The following MACROD2 variants were observed in gnomAD, a reference collection of about 807,000 sequenced individuals.
MACROD2 encodes mono-ADP ribosylhydrolase 2.
MACROD2 carries 36 observed loss-of-function variants against 70.4 expected under a neutral mutation model. The observed-to-expected ratio is 0.51, with a 90% CI of 0.39 to 0.68. MACROD2 has a LOEUF of 0.68. Ranked by LOEUF, MACROD2 falls within the 30% of genes least tolerant of loss-of-function variation. The pLI is 0.00. For synonymous variants in MACROD2, 172 were observed against 178.8 expected (o/e 0.96, Z 0.30); for missense variants, 496 against 538.4 (o/e 0.92, Z 0.78).
chr20:15,618,148 C>G (rs1487893789), intron 8 of MACROD2, among the ~76,000 whole-genome samples: 1 of 109,522 alleles, frequency 9.1e-6, no homozygotes, highest in Non-Finnish European at 1.7e-5. Context: ...CTGAAAAAGT[C>G]CTTTGGGCTC....
chr20:15,205,564 T>C (rs895801712), intron 5 of MACROD2, among the ~76,000 whole-genome samples: 1 of 152,036 alleles, frequency 6.6e-6, no homozygotes, highest in Non-Finnish European at 1.5e-5. Context: ...AATACTAAGT[T>C]TCTGTTACTT....
chr20:14,797,325 C>A (rs2072521587), intron 5 of MACROD2, among the ~76,000 whole-genome samples: 1 of 152,032 alleles, frequency 6.6e-6, no homozygotes, highest in Non-Finnish European at 1.5e-5. Flanking sequence ...CCGGCCATTG[C>A]CTTTGGGATC....
At chr20:15,076,325 T>A (rs1354375303) in intron 5 of MACROD2, among the ~76,000 whole-genome samples, 3 of 152,174 alleles carry the variant, frequency 2.0e-5, no homozygotes, top group Non-Finnish European at 4.4e-5. Context: ...TGCTTTGTTA[T>A]TAACACTGGT....
rs375862339 is a variant in MACROD2, at chr20:15,650,915, T to A, written c.645+151068T>A. ...GTCATCAGCACACCTGACAATGATC[T>A]TCTTATCCTTATGGAACTGGACATC... On this transcript the variant is annotated intron_variant, in intron 8 of 17. Transcript: ENST00000684519. 7.5e-4 allele frequency among the ~76,000 whole-genome samples: 114 copies of A among 152,322 alleles called. No homozygotes were observed. The South Asian group carries it at 0.014, about 19-fold the overall frequency.
chr20:14,250,569 G>A (rs1433612571), intron 3 of MACROD2, among the ~76,000 whole-genome samples: 2 of 152,126 alleles, frequency 1.3e-5, no homozygotes, highest in Non-Finnish European at 1.5e-5. Context: ...TTAGAAAATG[G>A]CAGTTTATCT....
intron 3 of MACROD2, among the ~76,000 whole-genome samples, chr20:14,362,309 A>G (rs752824208): frequency 3.3e-5 from 5 of 152,222 alleles, no homozygotes; most frequent in Non-Finnish European, 7.3e-5. Flanking sequence ...GAGGCACAGA[A>G]GTCAAGAAGC....
Position 14,918,608 on chromosome 20 carries a change from G to GTTT in MACROD2, c.418+233655_418+233657dup, listed in dbSNP as rs201816737. Among the ~76,000 whole-genome samples, 153 of 135,552 alleles carry GTTT rather than the reference G, an allele frequency of 1.1e-3. 5 individuals carry two copies. The highest frequency in any genetic ancestry group is 4.3e-3 in the East Asian group (19 of 4,396). 88.9% of individuals were successfully genotyped at this position (135,552 alleles called of 152,430 possible). ...ACATTAGCCCTTTTTGTGACACTGT[G>GTTT]TTTTTTTTGTTTTTTTTTTTTTTTC... On this transcript the variant is annotated intron_variant, in intron 5 of 17. Transcript: ENST00000684519.
intron 7 of MACROD2, among the ~76,000 whole-genome samples, chr20:15,436,768 G>T (rs79309980): frequency 0.043 from 6,587 of 152,046 alleles, 187 homozygotes; most frequent in Middle Eastern, 0.079. Context: ...AAAGAAAGTG[G>T]TCCATAGCTG....
At chr20:15,413,110 A>G (rs955252588) in intron 6 of MACROD2, among the ~76,000 whole-genome samples, 1 of 152,222 alleles carries the variant, frequency 6.6e-6, no homozygotes, top group South Asian at 2.1e-4. Context: ...CTGCTCTTTC[A>G]ATTCCTGGAT....
At chr20:15,189,242 T>G (rs2076553762) in intron 5 of MACROD2, among the ~76,000 whole-genome samples, 1 of 150,180 alleles carries the variant, frequency 6.7e-6, no homozygotes, top group Non-Finnish European at 1.5e-5. Context: ...AAACCAGGAC[T>G]TATTTTTTTT....
chr20:14,473,099 AT>A (rs1448457593), intron 3 of MACROD2, among the ~76,000 whole-genome samples: 3 of 152,208 alleles, frequency 2.0e-5, no homozygotes, highest in African/African-American at 7.2e-5. Flanking sequence ...CAATACATGT[AT>A]ACAATATGTA....
chr20:14,389,085 G>A (rs1319091035), intron 3 of MACROD2, among the ~76,000 whole-genome samples: 5 of 151,822 alleles, frequency 3.3e-5, no homozygotes, highest in African/African-American at 1.2e-4. Flanking sequence ...TCACCATGTT[G>A]GCCAAGCTGG....
intron 8 of MACROD2, among the ~76,000 whole-genome samples, chr20:15,796,484 A>T (rs945448615): frequency 1.1e-4 from 16 of 152,252 alleles, no homozygotes; most frequent in Admixed American, 2.0e-4. Context: ...TATGCAATTA[A>T]ATAAAGAAGT....
intron 4 of MACROD2, among the ~76,000 whole-genome samples, chr20:14,583,656 A>G (rs1981187774): frequency 6.6e-6 from 1 of 152,198 alleles, no homozygotes; most frequent in Non-Finnish European, 1.5e-5. Context: ...CTCATCTATG[A>G]AACAGGAATA....
At chr20:15,407,615 C>T (rs570723846) in intron 6 of MACROD2, among the ~76,000 whole-genome samples, 1 of 152,140 alleles carries the variant, frequency 6.6e-6, no homozygotes, top group Admixed American at 6.5e-5. Flanking sequence ...GAGGTGGACT[C>T]GCTGGCCACA....
chr20:14,114,356 T>C (rs1378291591), intron 3 of MACROD2, among the ~76,000 whole-genome samples: 1 of 152,158 alleles, frequency 6.6e-6, no homozygotes, highest in Non-Finnish European at 1.5e-5. Context: ...AAAGACTTGA[T>C]TTATAGTGCA....
chr20:15,607,002 CAAAAAAA>C (rs35981862), intron 8 of MACROD2, among the ~76,000 whole-genome samples: 1 of 95,898 alleles, frequency 1.0e-5, no homozygotes, highest in Non-Finnish European at 2.3e-5. Context: ...AACTCCATCT[CAAAAAAA>C]AAAAAAAAAA....
intron 15 of MACROD2, among the ~76,000 whole-genome samples, chr20:16,027,280 A>G (rs1377164912): frequency 6.7e-6 from 1 of 150,102 alleles, no homozygotes; most frequent in Non-Finnish European, 1.5e-5. Context: ...CAGCAAGATT[A>G]TTTCTTGGAT....
At position 15,968,776 on chromosome 20, in the gene MACROD2, A is replaced by G. The variant is rs1318035175; in HGVS notation, c.985+1146A>G. Among the ~76,000 whole-genome samples, 4 of 143,312 alleles carry G rather than the reference A, an allele frequency of 2.8e-5. No homozygotes were observed. The Admixed American group carries it at 2.9e-4, about 10-fold the overall frequency. 94.0% of individuals were successfully genotyped at this position (143,312 alleles called of 152,430 possible). ...ATACATATATTTATATATTATAAACATATAATATTATATATTATGCGTATA... is the reference window on the plus strand; with the variant it reads ...ATACATATATTTATATATTATAAACGTATAATATTATATATTATGCGTATA... On this transcript the variant is annotated intron_variant, in intron 13 of 17. Coordinates refer to ENST00000684519, the MANE Select transcript of MACROD2 (RefSeq NM_001351661.2).
Sources: gnomAD v4.1 joint callset for allele counts (sites outside exome capture counted in the v4.1 genomes callset) on GRCh38, gnomAD v4.1.1 for gene constraint, MANE v1.5 for transcripts, NCBI Gene and HGNC (gene_info 2026-07-23, HGNC 2026-07-21) for gene names.